The following NIPAL3 variants were observed in gnomAD, a reference collection of about 807,000 sequenced individuals.
The protein encoded by NIPAL3 is NIPA-like protein 3.
Under a neutral mutation model 47.2 loss-of-function variants are expected in NIPAL3, and 41 were observed. That is an observed-to-expected ratio of 0.87 (90% confidence interval 0.68 to 1.13). The LOEUF is 1.13. NIPAL3 is among the 50% of genes most tolerant of loss of function. The pLI, the probability that NIPAL3 is intolerant of heterozygous loss-of-function variation, is 0.00. For synonymous variants in NIPAL3, 194 were observed against 209.6 expected (o/e 0.93, Z 0.64); for missense variants, 449 against 530.1 (o/e 0.85, Z 1.50).
At chr1:24,466,026 A>G in intron 11 of NIPAL3, 1 of 1,611,756 alleles carries the variant, frequency 6.2e-7, no homozygotes, top group South Asian at 1.1e-5. Flanking sequence ...ACAACAGACA[A>G]CTGCTGTTCA....
chr1:24,449,353 C>A lies in NIPAL3; in HGVS notation c.395-128C>A, dbSNP rs374219334. On this transcript the variant is annotated intron_variant, in intron 5 of 11. Coordinates refer to ENST00000374399, the MANE Select transcript of NIPAL3 (RefSeq NM_020448.5). This position sits in a 1 kb window ranked among gnomAD's most constrained non-coding sequence, Gnocchi z 4.5. ...ATTTATTTTTTAAAGTAAAGAAAAACCAAAAATACAAACAATACCAGGTCA... is the reference window on the plus strand; with the variant it reads ...ATTTATTTTTTAAAGTAAAGAAAAAACAAAAATACAAACAATACCAGGTCA... 263 of 949,530 alleles carry A rather than the reference C, an allele frequency of 2.8e-4. 3 individuals carry two copies. The East Asian group carries it at 5.0e-3, about 18-fold the overall frequency. The allele number at this position is 949,530 out of a possible 1,614,324, so 58.8% of individuals were successfully genotyped here.
At position 24,460,506 on chromosome 1, in the gene NIPAL3, C is replaced by T. The variant is rs770646876; in HGVS notation, c.888C>T (p.Ile296=). 2.0e-5 allele frequency: 31 copies of T among 1,585,954 alleles called. No individual in the cohort carries two copies. The highest frequency in any genetic ancestry group is 1.9e-4 in the East Asian group (8 of 42,110). The change falls in exon 10 of 12, where the codon ATC becomes ATT. Residue 296 remains isoleucine, a synonymous_variant. Coordinates refer to ENST00000374399, the MANE Select transcript of NIPAL3 (RefSeq NM_020448.5). ...TAGAIFYLDF[I]GEDVLHICMF... is the part of the protein sequence containing the mutation. ...GTGCAATATTTTACCTGGACTTCAT[C>T]GGGGAGGACGTGCTGCACATCTGCA...
intron 4 of NIPAL3, 46 bp downstream of exon 4, chr1:24,442,272 C>T (rs767433154): frequency 3.8e-6 from 6 of 1,591,224 alleles, no homozygotes; most frequent in East Asian, 2.2e-5. Flanking sequence ...CTCCCAGCTG[C>T]GTGACCAGAG....
rs1646947298 is a variant in NIPAL3, at chr1:24,472,788, G to C, written c.*3603G>C. 1 of 152,116 alleles carries C rather than the reference G, an allele frequency of 6.6e-6. No individual in the cohort carries two copies. The highest frequency in any genetic ancestry group is 1.5e-5 in the Non-Finnish European group (1 of 68,018). 9.4% of individuals were successfully genotyped at this position (152,116 alleles called of 1,614,324 possible). ...AAAGCTGTTTCAACACTGGCTGATA[G>C]GCAGACAAAAGGTTACTTGTGTGTT... On this transcript the variant is annotated 3_prime_UTR_variant, in exon 12 of 12. Transcript: ENST00000374399.
At position 24,449,648 on chromosome 1, in the gene NIPAL3, TC is replaced by T; in HGVS notation, c.540+27del. Reference sequence around the variant, plus strand: ...CATGGTAAGAGAAGCCTCCAGTCGTTCCCCCTGAGATGGCAGGAGGGAGATC... The same window carrying T: ...CATGGTAAGAGAAGCCTCCAGTCGTTCCCCTGAGATGGCAGGAGGGAGATC... On this transcript the variant is annotated intron_variant, in intron 6 of 11. Transcript: ENST00000374399. The surrounding 1 kb of genome is among the most constrained non-coding windows in gnomAD (Gnocchi z 4.5). The T allele has an allele frequency of 6.2e-7, 1 of 1,605,706 alleles. No homozygotes were observed.
In NIPAL3 at chr1:24,453,513, G is replaced by A. The variant is rs766602912; in HGVS notation, c.637+9G>A. 6.2e-7 allele frequency: 1 copy of A among 1,607,278 alleles called. No homozygotes were observed. Among genetic ancestry groups the A allele is most frequent in the East Asian group, 2.2e-5 (1 of 44,816 alleles). On this transcript the variant is annotated intron_variant, in intron 7 of 11. Coordinates refer to ENST00000374399, the MANE Select transcript of NIPAL3 (RefSeq NM_020448.5). ...CTTGGTGGCGTTACTTGGTAAGTTG[G>A]CATCTGGATGATTGAGTTTTGCCAC... is the stretch of plus-strand genomic sequence containing the variant.
intron 10 of NIPAL3, among the ~76,000 whole-genome samples, chr1:24,461,562 C>A (rs1395869660): frequency 6.7e-6 from 1 of 150,164 alleles, no homozygotes; most frequent in Non-Finnish European, 1.5e-5. Flanking sequence ...AAAAAAATCA[C>A]AAACTTTTAA....
At chr1:24,436,121 G>T (rs1282159384) in intron 2 of NIPAL3, among the ~76,000 whole-genome samples, 1 of 152,030 alleles carries the variant, frequency 6.6e-6, no homozygotes, top group African/African-American at 2.4e-5. Context: ...ATTCCCTTAG[G>T]GGTTAGGACT....
In NIPAL3 at chr1:24,470,113, C is replaced by G. The variant is rs181386494; in HGVS notation, c.*928C>G. 1.3e-5 allele frequency: 2 copies of G among 152,292 alleles called. No homozygotes were observed. Among genetic ancestry groups the G allele is most frequent in the Admixed American group, 1.3e-4 (2 of 15,280 alleles). 9.4% of individuals were successfully genotyped at this position (152,292 alleles called of 1,614,324 possible). A position where few individuals can be genotyped will look rare whatever the true frequency, so the allele number is the denominator to read the frequency against. On this transcript the variant is annotated 3_prime_UTR_variant, in exon 12 of 12. Transcript: ENST00000374399. ...TCACCTGTCCTCCGTCTCTCCATTA[C>G]AGAGCCACAAGCCAAGCTTGAGTTA...
At chr1:24,461,086 G>A (rs1241601186) in intron 10 of NIPAL3, among the ~76,000 whole-genome samples, 3 of 152,222 alleles carry the variant, frequency 2.0e-5, no homozygotes, top group Non-Finnish European at 4.4e-5. Context: ...TAAATTAGTT[G>A]TATAAGCAAA....
At position 24,451,459 on chromosome 1, in the gene NIPAL3, G is replaced by T. The variant is rs1645933625; in HGVS notation, c.540+1833G>T. Among the ~76,000 whole-genome samples the T allele has an allele frequency of 6.6e-6, 1 of 152,156 alleles. No individual in the cohort carries two copies. Among genetic ancestry groups the T allele is most frequent in the African/African-American group, 2.4e-5 (1 of 41,442 alleles). ...ACCTATAATCTCAGCACTTTGGGAG[G>T]CCGAGGTAGGAGGATTGCTTGAGCC... On this transcript the variant is annotated intron_variant, in intron 6 of 11. Coordinates refer to ENST00000374399, the MANE Select transcript of NIPAL3 (RefSeq NM_020448.5). The surrounding 1 kb of genome is among the most constrained non-coding windows in gnomAD (Gnocchi z 4.5).
intron 2 of NIPAL3, among the ~76,000 whole-genome samples, chr1:24,428,535 A>G (rs1013503157): frequency 4.6e-5 from 7 of 152,158 alleles, no homozygotes; most frequent in East Asian, 1.9e-4. Flanking sequence ...CACTCAGTCA[A>G]TCAGCATTAG....
chr1:24,466,606 CCCA>C (rs1361670136), intron 11 of NIPAL3, among the ~76,000 whole-genome samples: 2 of 152,192 alleles, frequency 1.3e-5, no homozygotes, highest in Non-Finnish European at 2.9e-5. Flanking sequence ...CCAAGCCAAC[CCCA>C]CAATAACTCC....
intron 2 of NIPAL3, among the ~76,000 whole-genome samples, chr1:24,435,745 G>C (rs1645072406): frequency 1.3e-5 from 2 of 152,218 alleles, no homozygotes; most frequent in African/African-American, 4.8e-5. Context: ...TTGACACCAT[G>C]GGGAGGAGGA....
intron 8 of NIPAL3, among the ~76,000 whole-genome samples, chr1:24,456,697 A>G (rs1557528287): frequency 2.0e-5 from 3 of 152,186 alleles, no homozygotes; most frequent in Non-Finnish European, 2.9e-5. Context: ...AAAGAAAGAA[A>G]TACGAAGCCA....
At chr1:24,462,432 CAT>C (rs1646512793) in intron 10 of NIPAL3, among the ~76,000 whole-genome samples, 1 of 152,184 alleles carries the variant, frequency 6.6e-6, no homozygotes, top group African/African-American at 2.4e-5. Flanking sequence ...GTAGGAAAAA[CAT>C]AGTATATTCA....
chr1:24,451,412 C>T lies in NIPAL3; in HGVS notation c.540+1786C>T, dbSNP rs760208255. ...GTGTTCATTTTAGAATCATGGAGAA[C>T]GGGCCACATGTGGTGGCTCACACCT... On this transcript the variant is annotated intron_variant, in intron 6 of 11. Coordinates refer to ENST00000374399, the MANE Select transcript of NIPAL3 (RefSeq NM_020448.5). The surrounding 1 kb of genome is among the most constrained non-coding windows in gnomAD (Gnocchi z 4.5). Among the ~76,000 whole-genome samples, 7 of 152,030 alleles carry T rather than the reference C, an allele frequency of 4.6e-5. No homozygotes were observed. The highest frequency in any genetic ancestry group is 7.4e-5 in the Non-Finnish European group (5 of 68,016).
rs72652579 is a variant in NIPAL3, at chr1:24,452,008, T to G, written c.541-1400T>G. 3.1e-3 allele frequency among the ~76,000 whole-genome samples: 473 copies of G among 152,326 alleles called. 1 individual carries two copies. The highest frequency in any genetic ancestry group is 5.2e-3 in the Non-Finnish European group (357 of 68,030). ...GCAGCTGTGTTTTATGGTCTCTAAT[T>G]AGAAGGAATGTTTTAAATGTTTCAA... is the stretch of plus-strand genomic sequence containing the variant. On this transcript the variant is annotated intron_variant, in intron 6 of 11. Transcript: ENST00000374399.
intron 2 of NIPAL3, among the ~76,000 whole-genome samples, chr1:24,432,580 A>G (rs1445864057): frequency 6.6e-6 from 1 of 152,208 alleles, no homozygotes; most frequent in Non-Finnish European, 1.5e-5. Flanking sequence ...ATAGTTTGAC[A>G]TAATAATTCT....
Sources: gnomAD v4.1 joint callset for allele counts (sites outside exome capture counted in the v4.1 genomes callset) on GRCh38, gnomAD v4.1.1 for gene constraint, Gnocchi (gnomAD v3.1) non-coding constraint, MANE v1.5 for transcripts, NCBI Gene and HGNC (gene_info 2026-07-23, HGNC 2026-07-21) for gene names.